Variants in THEMIS observed in about 807,000 individuals in gnomAD.
The protein encoded by THEMIS is protein THEMIS.
Under a neutral mutation model 52.6 loss-of-function variants are expected in THEMIS, and 37 were observed. That is an observed-to-expected ratio of 0.70 (90% confidence interval 0.54 to 0.93). The LOEUF is 0.93. THEMIS is among the 40% of genes least tolerant of loss of function. THEMIS has a pLI of 0.00. For missense variants in THEMIS, 808 were observed against 763.1 expected (o/e 1.06, Z -0.69); for synonymous variants, 292 against 272.7 (o/e 1.07, Z -0.70).
In THEMIS at chr6:127,739,004, G is replaced by A. The variant is rs540296540; in HGVS notation, c.1759-19181C>T. The stretch of plus-strand genomic sequence containing the variant: ...AAAAGTTCTGGAGGTCAGAAGTTTG[G>A]TATTCCTTTGCTCATGGCTGCACCA... On this transcript the variant is annotated intron_variant, in intron 4 of 5. Coordinates refer to ENST00000368248, the MANE Select transcript of THEMIS (RefSeq NM_001010923.3). 2.6e-5 allele frequency among the ~76,000 whole-genome samples: 4 copies of A among 152,130 alleles called. No homozygotes were observed. The East Asian group carries it at 7.7e-4, about 29-fold the overall frequency.
the THEMIS span, among the ~76,000 whole-genome samples, chr6:127,701,418 A>T: frequency 3.3e-5 from 5 of 152,066 alleles, no homozygotes; most frequent in Non-Finnish European, 5.9e-5. Flanking sequence ...GTTACACTAC[A>T]ATGTGTTTGC....
chr6:127,806,046 G>C (rs934154129), intron 4 of THEMIS, among the ~76,000 whole-genome samples: 1 of 151,738 alleles, frequency 6.6e-6, no homozygotes, highest in Non-Finnish European at 1.5e-5. Context: ...CAATTTTAGT[G>C]ATTACAGGCA....
rs1379109396 is a variant in THEMIS, at chr6:127,813,506, T to C, written c.1135A>G (p.Lys379Glu). The C allele has an allele frequency of 1.2e-6, 2 of 1,613,684 alleles. No homozygotes were observed. The highest frequency in any genetic ancestry group is 4.5e-5 in the East Asian group (2 of 44,876). ...TCCCCAACAGATACGGATGACAGCT[T>C]GTCATGAGGGGAATGAAACGCTTTG... is the stretch of plus-strand genomic sequence containing the variant. Reference protein sequence around the residue: ...ATKAFHSPHDKLSSVSVGDQF... With the variant: ...ATKAFHSPHDELSSVSVGDQF... Residue 379 changes from lysine (K) to glutamate (E), a missense_variant, in exon 4 of 6, where the codon AAG becomes GAG. Physicochemically the swap from Lys to Glu is moderately conservative, Grantham distance 56. Coordinates refer to ENST00000368248, the MANE Select transcript of THEMIS (RefSeq NM_001010923.3).
At chr6:127,793,280 G>A (rs188742827) in intron 4 of THEMIS, among the ~76,000 whole-genome samples, 9 of 152,282 alleles carry the variant, frequency 5.9e-5, no homozygotes, top group Non-Finnish European at 1.2e-4. Flanking sequence ...TGACAAATAA[G>A]GGAAAACTTT....
intron 2 of THEMIS, among the ~76,000 whole-genome samples, chr6:127,848,386 C>T (rs936737565): frequency 3.9e-5 from 6 of 151,930 alleles, no homozygotes; most frequent in African/African-American, 7.3e-5. Context: ...AATAAACATA[C>T]GTGTGCATAT....
intron 3 of THEMIS, among the ~76,000 whole-genome samples, chr6:127,826,049 G>T (rs1024217243): frequency 6.6e-6 from 1 of 152,114 alleles, no homozygotes; most frequent in African/African-American, 2.4e-5. Context: ...GAATATAAGA[G>T]AATTAAGTCT....
At chr6:127,897,943 T>C (rs1273353129) in intron 1 of THEMIS, among the ~76,000 whole-genome samples, 2 of 150,944 alleles carry the variant, frequency 1.3e-5, no homozygotes, top group African/African-American at 4.9e-5. Context: ...TAACATACAC[T>C]GAAAATGAAT....
intron 1 of THEMIS, among the ~76,000 whole-genome samples, chr6:127,888,065 C>A (rs961090260): frequency 6.6e-6 from 1 of 151,932 alleles, no homozygotes; most frequent in Non-Finnish European, 1.5e-5. Context: ...TTAGTCAAGT[C>A]GATGTCCTGA....
intron 1 of THEMIS, among the ~76,000 whole-genome samples, chr6:127,892,493 G>A (rs198525): frequency 0.74 from 111,976 of 152,054 alleles, 41,776 homozygotes; most frequent in East Asian, 0.97. Flanking sequence ...TATAAGCTCC[G>A]AGAGGGGAGG....
At chr6:127,903,284 G>C (rs373035419), upstream of THEMIS, among the ~76,000 whole-genome samples, 26 of 152,104 alleles carry the variant, frequency 1.7e-4, no homozygotes, top group African/African-American at 6.0e-4. Context: ...GAGCAGCCAA[G>C]TTAAGGTTGA....
intron 4 of THEMIS, among the ~76,000 whole-genome samples, chr6:127,767,543 G>A (rs1350489598): frequency 6.6e-6 from 1 of 151,642 alleles, no homozygotes; most frequent in Non-Finnish European, 1.5e-5. Context: ...CACTGTCTTC[G>A]ACCTCCACGT....
At chr6:127,762,965 A>G (rs1247721374) in intron 4 of THEMIS, among the ~76,000 whole-genome samples, 1 of 152,010 alleles carries the variant, frequency 6.6e-6, no homozygotes, top group East Asian at 1.9e-4. Context: ...TGAAAAAAAA[A>G]GATAGATAAT....
intron 4 of THEMIS, among the ~76,000 whole-genome samples, chr6:127,732,842 C>T (rs761249834): frequency 3.8e-4 from 58 of 152,140 alleles, no homozygotes; most frequent in Non-Finnish European, 7.1e-4. Flanking sequence ...TCACACATTT[C>T]TATTCGGTGC....
At chr6:127,728,843 AG>A (rs1774644269) in intron 4 of THEMIS, among the ~76,000 whole-genome samples, 1 of 152,204 alleles carries the variant, frequency 6.6e-6, no homozygotes, top group African/African-American at 2.4e-5. Context: ...AAGTAGGGCA[AG>A]AAGGTTGCAA....
At chr6:127,910,732 A>G (rs946864681) in intron 1 of THEMIS, among the ~76,000 whole-genome samples, 1 of 152,204 alleles carries the variant, frequency 6.6e-6, no homozygotes, top group Non-Finnish European at 1.5e-5. Flanking sequence ...TTATTTTAAC[A>G]CTTTACATTA....
intron 2 of THEMIS, among the ~76,000 whole-genome samples, chr6:127,839,267 G>A (rs1421306071): frequency 1.3e-5 from 2 of 151,828 alleles, no homozygotes; most frequent in African/African-American, 4.8e-5. Flanking sequence ...TACTTTTTAA[G>A]TAAATAAATG....
At chr6:127,915,619 A>AGAGAGAGAGAGAG (rs1781508439) in intron 1 of THEMIS, among the ~76,000 whole-genome samples, 1 of 138,858 alleles carries the variant, frequency 7.2e-6, no homozygotes, top group African/African-American at 2.7e-5. Context: ...AGAGAGAGAG[A>AGAGAGAGAGAGAG]ACTTGAGCTA....
intron 1 of THEMIS, among the ~76,000 whole-genome samples, chr6:127,912,936 C>T (rs914105858): frequency 1.3e-5 from 2 of 152,206 alleles, no homozygotes; most frequent in Non-Finnish European, 2.9e-5. Flanking sequence ...AATTCCAATG[C>T]TTCTACCATG....
chr6:127,910,244 C>A (rs898556003), intron 1 of THEMIS, among the ~76,000 whole-genome samples: 4 of 152,072 alleles, frequency 2.6e-5, no homozygotes, highest in Non-Finnish European at 5.9e-5. Context: ...GTTCAGACTA[C>A]CTTCTCAGTG....
Sources: gnomAD v4.1 joint callset for allele counts (sites outside exome capture counted in the v4.1 genomes callset) on GRCh38, gnomAD v4.1.1 for gene constraint, MANE v1.5 for transcripts, NCBI Gene and HGNC (gene_info 2026-07-23, HGNC 2026-07-21) for gene names.